The following ACSF3 variants were observed in gnomAD, a reference collection of about 807,000 sequenced individuals.
ACSF3 encodes the protein acyl-CoA synthetase family member 3.
ACSF3 carries 78 observed loss-of-function variants against 53.2 expected under a neutral mutation model. That is an observed-to-expected ratio of 1.47 (90% CI 1.22 to 1.77). ACSF3 has a LOEUF of 1.77. Ranked by LOEUF, ACSF3 falls within the 40% of genes most tolerant of loss-of-function variation. The pLI is 0.00. For missense variants in ACSF3, 937 were observed against 771.1 expected, an observed-to-expected ratio of 1.22 and a Z score of -2.55; for synonymous variants, 414 against 333.1, an observed-to-expected ratio of 1.24 and a Z score of -2.65.
intron 6 of ACSF3, among the ~76,000 whole-genome samples, chr16:89,118,313 T>C (rs1470312640): frequency 6.7e-6 from 1 of 149,626 alleles, no homozygotes; most frequent in East Asian, 1.9e-4. Flanking sequence ...TCACCAGCAG[T>C]GTGAGTTCTT....
chr16:89,109,229 C>CAAAAAAA (rs773650798), intron 4 of ACSF3, among the ~76,000 whole-genome samples: 1 of 68,564 alleles, frequency 1.5e-5, no homozygotes. Context: ...AAGACTGTCT[C>CAAAAAAA]AAAAAAAAAA....
chr16:89,150,508 C>G (rs1913889225), intron 10 of ACSF3: 1 of 166,766 alleles, frequency 6.0e-6, no homozygotes, highest in African/African-American at 2.4e-5. Context: ...GGACACCAGG[C>G]CGCCCCTGCC....
chr16:89,099,000 C>A (rs1471527817), intron 2 of ACSF3, among the ~76,000 whole-genome samples: 1 of 152,280 alleles, frequency 6.6e-6, no homozygotes, highest in African/African-American at 2.4e-5. Context: ...CCGAGGGCCG[C>A]TGAGTGCCCA....
intron 4 of ACSF3, among the ~76,000 whole-genome samples, chr16:89,111,795 C>T (rs769324427): frequency 5.3e-5 from 8 of 152,224 alleles, no homozygotes; most frequent in Non-Finnish European, 2.9e-5. Context: ...GGTGTACATC[C>T]GCCCTCTCTG....
intron 1 of ACSF3, among the ~76,000 whole-genome samples, chr16:89,096,330 A>G (rs11076761): frequency 0.68 from 104,013 of 152,072 alleles, 36,218 homozygotes; most frequent in Admixed American, 0.75. Context: ...CCCACGGTAG[A>G]AGGGGTCCCA....
chr16:89,108,127 C>G (rs1322332428), intron 4 of ACSF3, among the ~76,000 whole-genome samples: 1 of 152,144 alleles, frequency 6.6e-6, no homozygotes, highest in Non-Finnish European at 1.5e-5. Flanking sequence ...GAAAGACCGG[C>G]CCCCATAATT....
intron 7 of ACSF3, among the ~76,000 whole-genome samples, chr16:89,132,376 C>T (rs948166691): frequency 1.3e-5 from 2 of 152,236 alleles, no homozygotes; most frequent in African/African-American, 4.8e-5. Flanking sequence ...GAGCCGAGGG[C>T]TCGGCCGGTG....
At chr16:89,116,847 G>A (rs2151463507) in intron 6 of ACSF3, among the ~76,000 whole-genome samples, 1 of 152,276 alleles carries the variant, frequency 6.6e-6, no homozygotes, top group South Asian at 2.1e-4. Flanking sequence ...CCCTGCTCTG[G>A]GCTGACTCGC....
At chr16:89,108,661 T>G (rs1976313905) in intron 4 of ACSF3, among the ~76,000 whole-genome samples, 1 of 152,208 alleles carries the variant, frequency 6.6e-6, no homozygotes, top group South Asian at 2.1e-4. Context: ...TTATTCCAGC[T>G]TCTTTCACTT....
chr16:89,114,265 G>A, intron 5 of ACSF3, 74 bp from the exon 6 acceptor site: 1 of 1,602,384 alleles, frequency 6.2e-7, no homozygotes, highest in Non-Finnish European at 8.5e-7. Flanking sequence ...CCTCCTGAGG[G>A]GCTAAACCTG....
chr16:89,105,389 T>C (rs1975851299), intron 4 of ACSF3, among the ~76,000 whole-genome samples: 2 of 152,194 alleles, frequency 1.3e-5, no homozygotes, highest in African/African-American at 4.8e-5. Flanking sequence ...CAGCTGTCCT[T>C]GGTGAACGTC....
chr16:89,142,615 AC>A (rs1260420605), intron 8 of ACSF3, among the ~76,000 whole-genome samples: 2 of 147,788 alleles, frequency 1.4e-5, no homozygotes, highest in African/African-American at 2.5e-5. Context: ...AGACACACCC[AC>A]ACCTGCAGAC....
intron 10 of ACSF3, 85 bp downstream of exon 10, chr16:89,146,134 C>T (rs943958356): frequency 6.3e-5 from 63 of 1,005,652 alleles, no homozygotes; most frequent in South Asian, 1.7e-4. Context: ...TGGCATCGTC[C>T]GTCTTAGAGG....
intron 8 of ACSF3, among the ~76,000 whole-genome samples, chr16:89,137,585 G>A (rs12709107): frequency 2.9e-4 from 28 of 95,450 alleles, no homozygotes; most frequent in Non-Finnish European, 4.0e-4. Flanking sequence ...CCAGGAGCTC[G>A]TGGGGAAGGA....
At chr16:89,145,123 G>A in intron 8 of ACSF3, 144 bp from the exon 9 acceptor site, 1 of 1,598,352 alleles carries the variant, frequency 6.3e-7, no homozygotes, top group South Asian at 1.1e-5. Flanking sequence ...CTCCGTTGGG[G>A]TTGCCACAGG....
At chr16:89,116,912 G>A (rs1039906242) in intron 6 of ACSF3, among the ~76,000 whole-genome samples, 2 of 152,200 alleles carry the variant, frequency 1.3e-5, no homozygotes, top group Non-Finnish European at 1.5e-5. Context: ...AAAGCTCTCT[G>A]GTGGAAATAA....
chr16:89,138,274 C>T (rs1039610191), intron 8 of ACSF3, among the ~76,000 whole-genome samples: 3 of 152,220 alleles, frequency 2.0e-5, no homozygotes, highest in African/African-American at 7.2e-5. Flanking sequence ...GGCACCTGGG[C>T]TGTTCCTGTA....
intron 1 of ACSF3, among the ~76,000 whole-genome samples, chr16:89,097,298 C>G (rs1974738860): frequency 6.6e-6 from 1 of 152,228 alleles, no homozygotes; most frequent in African/African-American, 2.4e-5. Flanking sequence ...GCCGTCATCC[C>G]CCTTTTATGT....
At chr16:89,129,515 C>G (rs983088360) in intron 7 of ACSF3, among the ~76,000 whole-genome samples, 4 of 152,084 alleles carry the variant, frequency 2.6e-5, no homozygotes, top group Non-Finnish European at 5.9e-5. Context: ...GTATTTGAAG[C>G]AAGTTTCTTA....
Sources: allele counts gnomAD v4.1 joint callset (sites outside exome capture counted in the v4.1 genomes callset), GRCh38; gene constraint gnomAD v4.1.1; transcripts MANE v1.5; gene names NCBI Gene and HGNC (gene_info 2026-07-23, HGNC 2026-07-21).